The following ORMDL2 variants were observed in gnomAD, a reference collection of about 807,000 sequenced individuals.
The protein encoded by ORMDL2 is ORMDL sphingolipid biosynthesis regulator 2.
A neutral mutation model predicts 13.5 loss-of-function variants in ORMDL2; 11 were observed. That is an observed-to-expected ratio of 0.82 (90% CI 0.51 to 1.35). ORMDL2 has a LOEUF of 1.35. ORMDL2 is among the 40% of genes most tolerant of loss of function. ORMDL2 has a pLI of 0.00. For missense variants in ORMDL2, 160 were observed against 191.1 expected (o/e 0.84, Z 0.96); for synonymous variants, 73 against 76.5 (o/e 0.95, Z 0.24).
chr12:55,820,370 G>C lies in ORMDL2; in HGVS notation c.437G>C (p.Arg146Pro). Residue 146 changes from arginine (R) to proline (P), a missense_variant, in exon 4 of 4, where the codon CGT (arginine) becomes CCT (proline). Physicochemically the swap from Arg to Pro is moderately radical, Grantham distance 103. Coordinates refer to ENST00000243045, the MANE Select transcript of ORMDL2 (RefSeq NM_014182.5). The part of the protein sequence containing the change: ...LPKLPQFHGV[R>P]VFGINKY ...AAGTTGCCCCAGTTCCATGGGGTTCGTGTCTTTGGCATCAACAAATACTGA... is the reference window on the plus strand; with the variant it reads ...AAGTTGCCCCAGTTCCATGGGGTTCCTGTCTTTGGCATCAACAAATACTGA... 1 of 1,614,130 alleles carries C rather than the reference G, an allele frequency of 6.2e-7. No homozygotes were observed. Among genetic ancestry groups the C allele is most frequent in the Non-Finnish European group, 8.5e-7 (1 of 1,180,032 alleles).
chr12:55,819,887 C>T (rs1880620348), intron 3 of ORMDL2, among the ~76,000 whole-genome samples: 3 of 152,222 alleles, frequency 2.0e-5, no homozygotes, highest in South Asian at 4.1e-4. Flanking sequence ...TTTGCCATGT[C>T]ATTAACAATT....
At position 55,821,109 on chromosome 12, in the gene ORMDL2, C is replaced by T. The variant is rs1040120139; in HGVS notation, c.*714C>T. 9 of 152,614 alleles carry T rather than the reference C, an allele frequency of 5.9e-5. No homozygotes were observed. Among genetic ancestry groups the T allele is most frequent in the Non-Finnish European group, 1.2e-4 (8 of 68,034 alleles). 9.5% of individuals were successfully genotyped at this position (152,614 alleles called of 1,614,324 possible). A position where few individuals can be genotyped will look rare whatever the true frequency, so the allele number is the denominator to read the frequency against. On this transcript the variant is annotated 3_prime_UTR_variant, in exon 4 of 4. Transcript: ENST00000243045. ...TCACATGGGGGCTTCTGGGAACCCC[C>T]GTATTCTTCCCCCTCACCCAAGGGC...
chr12:55,819,908 G>C (rs1349698200), intron 3 of ORMDL2, among the ~76,000 whole-genome samples: 1 of 152,180 alleles, frequency 6.6e-6, no homozygotes, highest in Non-Finnish European at 1.5e-5. Flanking sequence ...AACAGATACT[G>C]ACTTACAGTC....
chr12:55,818,473 T>G, intron 1 of ORMDL2: 1 of 201,692 alleles, frequency 5.0e-6, no homozygotes, highest in South Asian at 6.6e-5. Flanking sequence ...GGCAAGTTGT[T>G]GTCGTGCCCC....
At chr12:55,819,619 A>G (rs531474134) in intron 3 of ORMDL2, 126 bp downstream of exon 3, 79 of 797,998 alleles carry the variant, frequency 9.9e-5, no homozygotes, top group African/African-American at 6.3e-4. Flanking sequence ...ATATTATGGT[A>G]TACTAGTTCT....
chr12:55,820,165 AC>A (rs1880627826), intron 3 of ORMDL2, 94 bp from the exon 4 acceptor site: 4 of 1,231,134 alleles, frequency 3.2e-6, no homozygotes, highest in Non-Finnish European at 4.6e-6. Context: ...CTGCACTCCA[AC>A]CTGGGAAACA....
chr12:55,821,817 A>T lies in ORMDL2; in HGVS notation c.*1422A>T. On this transcript the variant is annotated 3_prime_UTR_variant, in exon 4 of 4. Transcript: ENST00000243045. ...GGTTGCAGTAAGCTGAGATCACACC[A>T]CTGCACTCCAGCTGGGCAACAGAGC... 3 of 715,944 alleles carry T rather than the reference A, an allele frequency of 4.2e-6. No homozygotes were observed. The highest frequency in any genetic ancestry group is 6.4e-6 in the Non-Finnish European group (3 of 467,250). The allele number at this position is 715,944 out of a possible 1,614,324, so 44.3% of individuals were successfully genotyped here.
At position 55,820,546 on chromosome 12, in the gene ORMDL2, A is replaced by G; in HGVS notation, c.*151A>G. 1 of 940,104 alleles carries G rather than the reference A, an allele frequency of 1.1e-6. No homozygotes were observed. The highest frequency in any genetic ancestry group is 1.6e-6 in the Non-Finnish European group (1 of 609,332). The allele number at this position is 940,104 out of a possible 1,614,324, so 58.2% of individuals were successfully genotyped here. On this transcript the variant is annotated 3_prime_UTR_variant, in exon 4 of 4. Transcript: ENST00000243045. ...TCCCAGACTCCCAAGAAGAGAAGAGATTGGCAAATGGGGCTCCTGGGCCCA... is the reference window on the plus strand; with the variant it reads ...TCCCAGACTCCCAAGAAGAGAAGAGGTTGGCAAATGGGGCTCCTGGGCCCA...
chr12:55,820,459 A>G lies in ORMDL2; in HGVS notation c.*64A>G. The G allele has an allele frequency of 1.3e-6, 2 of 1,544,082 alleles. No homozygotes were observed. Among genetic ancestry groups the G allele is most frequent in the African/African-American group, 1.4e-5 (1 of 73,588 alleles). ...GCACTGAAACAGAGGACTATAAAAC[A>G]TCCTTCTCTTATTCTCCATACTGTC... is the stretch of plus-strand genomic sequence containing the variant. On this transcript the variant is annotated 3_prime_UTR_variant, in exon 4 of 4. Transcript: ENST00000243045.
intron 3 of ORMDL2, among the ~76,000 whole-genome samples, chr12:55,819,855 AC>A (rs1880619673): frequency 6.6e-6 from 1 of 152,252 alleles, no homozygotes; most frequent in Non-Finnish European, 1.5e-5. Flanking sequence ...AGTCATACAG[AC>A]TGAAATAGCT....
Position 55,820,718 on chromosome 12 carries a change from GT to G in ORMDL2, c.*327del, listed in dbSNP as rs1880642906. ...TTTACACTTACCACCTTCCAGCTCT[GT>G]TTTGCTGTGTATTTTTCTTACAATA... On this transcript the variant is annotated 3_prime_UTR_variant, in exon 4 of 4. Transcript: ENST00000243045. The G allele has an allele frequency of 3.4e-6, 1 of 289,932 alleles. No homozygotes were observed. Among genetic ancestry groups the G allele is most frequent in the Admixed American group, 4.5e-5 (1 of 22,048 alleles). 18.0% of individuals were successfully genotyped at this position (289,932 alleles called of 1,614,324 possible). A position where few individuals can be genotyped will look rare whatever the true frequency, so the allele number is the denominator to read the frequency against.
In ORMDL2 at chr12:55,819,130, G is replaced by A. The variant is rs200526474; in HGVS notation, c.131G>A (p.Ser44Asn). The A allele has an allele frequency of 1.7e-5, 27 of 1,613,994 alleles. No individual in the cohort carries two copies. The highest frequency in any genetic ancestry group is 2.3e-5 in the Non-Finnish European group (27 of 1,180,034). ...HMVLLSIPFF[S>N]IPVVWTLTNV... ...GTTCTACTCAGCATCCCCTTCTTCA[G>A]CATTCCTGTTGTCTGGACCCTGACC... The change falls in exon 2 of 4, where the codon AGC becomes AAC. Residue 44 changes from serine to asparagine, a missense_variant. By Grantham distance (46) the Ser-to-Asn change is conservative (BLOSUM62 1). Transcript: ENST00000243045.
In ORMDL2 at chr12:55,821,532, CCT is replaced by C. The variant is rs1880666201; in HGVS notation, c.*1138_*1139del. 1 of 154,094 alleles carries C rather than the reference CCT, an allele frequency of 6.5e-6. No individual in the cohort carries two copies. Among genetic ancestry groups the C allele is most frequent in the Non-Finnish European group, 1.4e-5 (1 of 69,152 alleles). The allele number at this position is 154,094 out of a possible 1,614,324, so 9.5% of individuals were successfully genotyped here. On this transcript the variant is annotated 3_prime_UTR_variant, in exon 4 of 4. Coordinates refer to ENST00000243045, the MANE Select transcript of ORMDL2 (RefSeq NM_014182.5). ...CCTAGGTTCTTTACTCTAGCTACCC[CCT>C]ATTTCTTTGGTATTGTCAAAAGACA...
chr12:55,818,532 G>C (rs1431475254), intron 1 of ORMDL2: 1 of 189,524 alleles, frequency 5.3e-6, no homozygotes, highest in Non-Finnish European at 1.1e-5. Flanking sequence ...TGCCACGGAG[G>C]TGAGAGAGAG....
rs1880604820 is a variant in ORMDL2, at chr12:55,819,446, C to T, written c.279C>T (p.Leu93=). The T allele has an allele frequency of 6.2e-7, 1 of 1,613,944 alleles. No homozygotes were observed. Among genetic ancestry groups the T allele is most frequent in the African/African-American group, 1.3e-5 (1 of 74,878 alleles). ...LTHWEQMDYG[L]QFTSSRKFLS... The stretch of plus-strand genomic sequence containing the variant: ...ACTGGGAGCAAATGGACTATGGGCT[C>T]CAGTTTACCTCTTCCCGCAAGTTCC... The change falls in exon 3 of 4, where the codon CTC becomes CTT. Residue 93 remains leucine (L), a synonymous_variant. Coordinates refer to ENST00000243045, the MANE Select transcript of ORMDL2 (RefSeq NM_014182.5).
At position 55,818,990 on chromosome 12, in the gene ORMDL2, T is replaced by A; in HGVS notation, c.-1-9T>A. 3 of 1,609,296 alleles carry A rather than the reference T, an allele frequency of 1.9e-6. No individual in the cohort carries two copies. The highest frequency in any genetic ancestry group is 2.6e-6 in the Non-Finnish European group (3 of 1,175,936). Reference sequence around the variant, plus strand: ...GCTGGACTCCTGCCTGATCCCCCATTACGGCTAGGATGAATGTGGGGGTGG... The same window carrying A: ...GCTGGACTCCTGCCTGATCCCCCATAACGGCTAGGATGAATGTGGGGGTGG... On this transcript the variant is annotated splice_polypyrimidine_tract_variant and intron_variant, in intron 1 of 3. Transcript: ENST00000243045.
chr12:55,818,927 A>G lies in ORMDL2; in HGVS notation c.-1-72A>G, dbSNP rs949074436. On this transcript the variant is annotated intron_variant, in intron 1 of 3. Coordinates refer to ENST00000243045, the MANE Select transcript of ORMDL2 (RefSeq NM_014182.5). The stretch of plus-strand genomic sequence containing the variant: ...GGGGATTGGGGCTATCTGAGAGACA[A>G]CTGGGAGATAGCTCAAGAGGGGTTG... The G allele has an allele frequency of 9.0e-6, 12 of 1,330,146 alleles. No homozygotes were observed. In the African/African-American group the frequency reaches 1.2e-4, roughly 13 times the overall value. 82.4% of individuals were successfully genotyped at this position (1,330,146 alleles called of 1,614,324 possible).
chr12:55,819,278 A>C, intron 2 of ORMDL2, 64 bp from the exon 3 acceptor site: 1 of 1,591,636 alleles, frequency 6.3e-7, no homozygotes, highest in East Asian at 2.2e-5. Flanking sequence ...TTGGGATCTT[A>C]ACATAATTCT....
intron 1 of ORMDL2, 138 bp from the exon 2 acceptor site, chr12:55,818,861 T>C: frequency 1.4e-6 from 1 of 692,632 alleles, no homozygotes. Context: ...AGTTTTTATT[T>C]TCTGCGTGAT....
Sources: gnomAD v4.1 joint callset for allele counts (sites outside exome capture counted in the v4.1 genomes callset) on GRCh38, gnomAD v4.1.1 for gene constraint, MANE v1.5 for transcripts, NCBI Gene and HGNC (gene_info 2026-07-23, HGNC 2026-07-21) for gene names.